PHC1: variants seen among roughly 807,000 people sequenced by gnomAD.
The protein encoded by PHC1 is polyhomeotic-like protein 1.
In PHC1, 12 loss-of-function variants were observed where a neutral mutation model predicts 104.3. The ratio of observed to expected loss-of-function variants is 0.12; its 90% CI spans 0.07 to 0.19. The LOEUF is 0.19. Ranked by LOEUF, PHC1 falls within the 10% of genes least tolerant of loss-of-function variation. The pLI is 1.00. For synonymous variants in PHC1, 302 were observed against 455.8 expected (o/e 0.66, Z 4.30); for missense variants, 671 against 1,200.0 (o/e 0.56, Z 6.51).
intron 6 of PHC1, among the ~76,000 whole-genome samples, chr12:8,929,935 C>A (rs1359023191): frequency 6.6e-6 from 1 of 152,212 alleles, no homozygotes; most frequent in Non-Finnish European, 1.5e-5. Flanking sequence ...TTTTAGGAAG[C>A]CCTTCCTTGA....
rs768028336 is a variant in PHC1 at position 8,937,227 on chromosome 12, A to G, written c.2529A>G (p.Lys843=). ...HQFRLKRKKM[K]EFQEANYARV... ...TCCGGCTGAAGAGGAAAAAAATGAA[A>G]GAGTTTCAAGAAGCCAACTATGCTC... The change falls in exon 13 of 15, where the codon AAA becomes AAG. Residue 843 remains lysine (K), a synonymous_variant. Coordinates refer to ENST00000544916, the MANE Select transcript of PHC1 (RefSeq NM_004426.3). 1 of 1,613,738 alleles carries G rather than the reference A, an allele frequency of 6.2e-7. No homozygotes were observed. The highest frequency in any genetic ancestry group is 8.5e-7 in the Non-Finnish European group (1 of 1,179,732).
rs1165547827 is a variant in PHC1, at chr12:8,930,710, C to T, written c.888C>T (p.Ser296=). 9 of 1,285,484 alleles carry T rather than the reference C, an allele frequency of 7.0e-6. No individual in the cohort carries two copies. Among genetic ancestry groups the T allele is most frequent in the East Asian group, 2.5e-5 (1 of 40,244 alleles). The allele number at this position is 1,285,484 out of a possible 1,614,324, so 79.6% of individuals were successfully genotyped here. Residue 296 remains serine, a synonymous_variant, in exon 7 of 15, where the codon TCC becomes TCT. Transcript: ENST00000544916. ...QAHGGLGQLP[S]SGMGGGSCPR... is the part of the protein sequence containing the mutation. ...ATGGTGGTTTGGGTCAGTTGCCTTC[C>T]TCAGGAATGGGTGGTGGGAGCTGTC...
chr12:8,918,380 C>T (rs1302484073), intron 2 of PHC1, among the ~76,000 whole-genome samples: 4 of 152,282 alleles, frequency 2.6e-5, no homozygotes, highest in South Asian at 2.1e-4. Context: ...GAAAATTTTA[C>T]GTGAAGGAAT....
intron 6 of PHC1, among the ~76,000 whole-genome samples, chr12:8,928,378 T>C (rs1945588937): frequency 6.6e-6 from 1 of 152,154 alleles, no homozygotes; most frequent in Non-Finnish European, 1.5e-5. Context: ...GATAAAATTG[T>C]AATCCTTGGA....
chr12:8,920,359 A>G (rs1329586089), intron 3 of PHC1, among the ~76,000 whole-genome samples: 3 of 152,202 alleles, frequency 2.0e-5, no homozygotes, highest in Non-Finnish European at 2.9e-5. Context: ...TATTATATTT[A>G]TATTGGATAC....
chr12:8,916,003 CTG>C (rs752185993), intron 1 of PHC1: 21 of 154,348 alleles, frequency 1.4e-4, no homozygotes, highest in Middle Eastern at 5.1e-4. Context: ...ATCTATAAAA[CTG>C]TGCCGTGCTG....
chr12:8,930,610 A>G lies in PHC1; in HGVS notation c.788A>G (p.Asn263Ser), dbSNP rs200396596. ...ASSGATNQSL[N>S]LSQAGGGSGN... Reference sequence around the variant, plus strand: ...TCTGGGGCCACAAACCAGTCCCTCAACCTTAGTCAAGCTGGTGGAGGCAGT... The same window carrying G: ...TCTGGGGCCACAAACCAGTCCCTCAGCCTTAGTCAAGCTGGTGGAGGCAGT... The change falls in exon 7 of 15, where the codon AAC (asparagine) becomes AGC (serine). Residue 263 changes from asparagine to serine, a missense_variant. Coordinates refer to ENST00000544916, the MANE Select transcript of PHC1 (RefSeq NM_004426.3). The G allele has an allele frequency of 1.8e-5, 28 of 1,526,562 alleles. No homozygotes were observed. In the East Asian group the frequency reaches 6.7e-4, roughly 36 times the overall value. The allele number at this position is 1,526,562 out of a possible 1,614,324, so 94.6% of individuals were successfully genotyped here.
chr12:8,933,613 A>G, intron 8 of PHC1: 1 of 604,792 alleles, frequency 1.7e-6, no homozygotes, highest in Non-Finnish European at 2.8e-6. Flanking sequence ...CTTTGAAAAA[A>G]CAACAGTTCT....
intron 7 of PHC1, 105 bp downstream of exon 7, chr12:8,931,032 T>A: frequency 8.4e-7 from 1 of 1,185,718 alleles, no homozygotes; most frequent in Non-Finnish European, 1.2e-6. Context: ...TTTTCCCCGC[T>A]TCTGTTGGTC....
chr12:8,916,580 C>T lies in PHC1; in HGVS notation c.-48-1050C>T, dbSNP rs897092860. On this transcript the variant is annotated intron_variant, in intron 1 of 14. Transcript: ENST00000544916. ...TTGGAAGAATATTTCTTCTTCTCAT[C>T]TCCTGCCTCTTTGCTTGGTTCTTAG... 2.0e-5 allele frequency among the ~76,000 whole-genome samples: 3 copies of T among 152,000 alleles called. No homozygotes were observed. In the East Asian group the frequency reaches 5.8e-4, roughly 29 times the overall value.
In PHC1 at chr12:8,930,679, A is replaced by G; in HGVS notation, c.857A>G (p.Gln286Arg). ...TCCATGGGTCCAGGTGGAGGTGGGC[A>G]GGCACATGGTGGTTTGGGTCAGTTG... ...PGSMGPGGGG[Q>R]AHGGLGQLPS... Residue 286 changes from glutamine to arginine, a missense_variant, in exon 7 of 15, where the codon CAG becomes CGG. Gln to Arg is a conservative substitution (Grantham distance 43, BLOSUM62 1). This residue lies in a region of PHC1 where 78 missense variants were observed against 140.8 expected (regional missense o/e 0.55). Transcript: ENST00000544916. 1 of 1,365,560 alleles carries G rather than the reference A, an allele frequency of 7.3e-7. No individual in the cohort carries two copies. The highest frequency in any genetic ancestry group is 1.0e-6 in the Non-Finnish European group (1 of 995,054). 84.6% of individuals were successfully genotyped at this position (1,365,560 alleles called of 1,614,324 possible).
chr12:8,922,296 G>A (rs968448924), intron 5 of PHC1, among the ~76,000 whole-genome samples: 5 of 152,266 alleles, frequency 3.3e-5, no homozygotes, highest in South Asian at 2.1e-4. Context: ...AGATATAGTC[G>A]ACCTTTAAAC....
chr12:8,927,531 G>C (rs918077919), intron 6 of PHC1, among the ~76,000 whole-genome samples: 1 of 152,118 alleles, frequency 6.6e-6, no homozygotes, highest in African/African-American at 2.4e-5. Flanking sequence ...TGATGGGTGT[G>C]TATGCAGATA....
chr12:8,913,963 ACAAT>A (rs1462892115), upstream of PHC1: 2 of 152,454 alleles, frequency 1.3e-5, no homozygotes, highest in East Asian at 1.9e-4. Flanking sequence ...GAGGGATTAA[ACAAT>A]CAACCTTCTC....
intron 6 of PHC1, among the ~76,000 whole-genome samples, chr12:8,923,387 C>G (rs1945419683): frequency 6.6e-6 from 1 of 152,148 alleles, no homozygotes; most frequent in Admixed American, 6.5e-5. Context: ...ATAATTATTT[C>G]ATCCTTTTAG....
chr12:8,920,891 C>A, intron 3 of PHC1, 94 bp from the exon 4 acceptor site: 1 of 803,428 alleles, frequency 1.2e-6, no homozygotes, highest in Non-Finnish European at 2.0e-6. Context: ...AATGTGAAAT[C>A]TCTATGTTTT....
chr12:8,925,450 G>T (rs1260767734), intron 6 of PHC1, among the ~76,000 whole-genome samples: 1 of 152,162 alleles, frequency 6.6e-6, no homozygotes, highest in Non-Finnish European at 1.5e-5. Context: ...AGAAAGTACC[G>T]AGTGTTCTGA....
intron 11 of PHC1, among the ~76,000 whole-genome samples, chr12:8,935,558 G>A (rs947863604): frequency 3.3e-5 from 5 of 151,948 alleles, no homozygotes; most frequent in South Asian, 2.1e-4. Flanking sequence ...CCTGGGAGGC[G>A]GAGGTTGCAG....
At chr12:8,929,479 A>G (rs1335938409) in intron 6 of PHC1, among the ~76,000 whole-genome samples, 1 of 151,586 alleles carries the variant, frequency 6.6e-6, no homozygotes, top group Non-Finnish European at 1.5e-5. Context: ...TTCTAAAAAT[A>G]CAGTCTTTTT....
Sources: allele counts gnomAD v4.1 joint callset (sites outside exome capture counted in the v4.1 genomes callset), GRCh38; gene constraint gnomAD v4.1.1; regional missense constraint gnomAD v4.1.1; transcripts MANE v1.5; gene names NCBI Gene and HGNC (gene_info 2026-07-23, HGNC 2026-07-21).